The following EPM2A variants were observed in gnomAD, a reference collection of about 807,000 sequenced individuals.
EPM2A encodes laforin.
Under a neutral mutation model 26.5 loss-of-function variants are expected in EPM2A, and 21 were observed. The ratio of observed to expected loss-of-function variants is 0.79; its 90% CI spans 0.56 to 1.14. EPM2A has a LOEUF of 1.14. EPM2A is among the 50% of genes most tolerant of loss of function. The pLI, the probability that EPM2A is intolerant of heterozygous loss-of-function variation, is 0.00. For missense variants in EPM2A, 458 were observed against 440.8 expected (o/e 1.04, Z -0.35); for synonymous variants, 217 against 177.6 (o/e 1.22, Z -1.76).
intron 4 of EPM2A, among the ~76,000 whole-genome samples, chr6:145,384,281 G>A (rs1297237544): frequency 6.6e-6 from 1 of 152,148 alleles, no homozygotes; most frequent in South Asian, 2.1e-4. Flanking sequence ...AACAACAAGG[G>A]ACTATTAACA....
intron 2 of EPM2A, among the ~76,000 whole-genome samples, chr6:145,599,505 A>G (rs1337180907): frequency 6.6e-6 from 1 of 151,928 alleles, no homozygotes; most frequent in Non-Finnish European, 1.5e-5. Context: ...TCATATCTTT[A>G]AAAGATCATT....
At chr6:145,601,827 A>C (rs555643664) in intron 2 of EPM2A, among the ~76,000 whole-genome samples, 7 of 152,316 alleles carry the variant, frequency 4.6e-5, no homozygotes, top group African/African-American at 1.7e-4. Context: ...TGAGGGATGA[A>C]TCCAGGTATT....
chr6:145,647,501 C>T (rs2128574677), intron 2 of EPM2A, among the ~76,000 whole-genome samples: 1 of 152,336 alleles, frequency 6.6e-6, no homozygotes, highest in South Asian at 2.1e-4. Context: ...AACAATAACA[C>T]ATCTTTATTT....
intron 4 of EPM2A, among the ~76,000 whole-genome samples, chr6:145,389,636 C>G (rs1030360398): frequency 6.6e-6 from 1 of 152,208 alleles, no homozygotes; most frequent in African/African-American, 2.4e-5. Context: ...ATGCCTAGCA[C>G]ATAATTGGTG....
intron 2 of EPM2A, among the ~76,000 whole-genome samples, chr6:145,683,390 T>C (rs979265801): frequency 2.0e-5 from 3 of 149,474 alleles, no homozygotes; most frequent in African/African-American, 7.3e-5. Flanking sequence ...TAAAGTATTA[T>C]ATAGTATACA....
At chr6:145,517,475 C>A (rs1266633371) in intron 2 of EPM2A, among the ~76,000 whole-genome samples, 2 of 152,138 alleles carry the variant, frequency 1.3e-5, no homozygotes, top group African/African-American at 4.8e-5. Context: ...AAGAGCATCA[C>A]ACGTTATTAT....
At chr6:145,666,089 C>T (rs12524785) in intron 2 of EPM2A, among the ~76,000 whole-genome samples, 1 of 140,606 alleles carries the variant, frequency 7.1e-6, no homozygotes, top group African/African-American at 2.7e-5. Context: ...GAAGCATTCC[C>T]TTTGAAAACT....
At chr6:145,633,729 T>C (rs528786453) in intron 3 of EPM2A, 1 of 152,330 alleles carries the variant, frequency 6.6e-6, no homozygotes, top group African/African-American at 2.4e-5. Flanking sequence ...CCCTTGCAAT[T>C]TGTAGGCTCT....
At chr6:145,487,529 G>A (rs1779694652) in intron 4 of EPM2A, among the ~76,000 whole-genome samples, 1 of 152,010 alleles carries the variant, frequency 6.6e-6, no homozygotes, top group Non-Finnish European at 1.5e-5. Context: ...TTTAATAATT[G>A]TCATTCTGAC....
chr6:145,707,676 T>C (rs113260890), intron 1 of EPM2A, among the ~76,000 whole-genome samples: 1 of 152,200 alleles, frequency 6.6e-6, no homozygotes, highest in Non-Finnish European at 1.5e-5. Flanking sequence ...CCGCCATGAT[T>C]GTGAGGCGTC....
At chr6:145,679,977 G>A (rs1476010854) in intron 2 of EPM2A, 1 of 152,128 alleles carries the variant, frequency 6.6e-6, no homozygotes, top group Non-Finnish European at 1.5e-5. Flanking sequence ...GGGAGAAGGA[G>A]AAGAAAAGAG....
intron 2 of EPM2A, among the ~76,000 whole-genome samples, chr6:145,683,017 G>T (rs1226403039): frequency 6.6e-6 from 1 of 152,082 alleles, no homozygotes; most frequent in Non-Finnish European, 1.5e-5. Flanking sequence ...ATAGCAAACA[G>T]ATAGAATTCG....
At chr6:145,658,244 G>A (rs183560709) in intron 2 of EPM2A, among the ~76,000 whole-genome samples, 2 of 152,120 alleles carry the variant, frequency 1.3e-5, no homozygotes, top group African/African-American at 4.8e-5. Context: ...TATTTATTTT[G>A]CATTGTATTT....
intron 4 of EPM2A, among the ~76,000 whole-genome samples, chr6:145,416,630 G>C (rs1328937105): frequency 6.6e-6 from 1 of 152,166 alleles, no homozygotes; most frequent in African/African-American, 2.4e-5. Flanking sequence ...GGAACAGTTT[G>C]CACATGGCAG....
intron 1 of EPM2A, among the ~76,000 whole-genome samples, chr6:145,730,640 C>T (rs769910638): frequency 3.3e-5 from 5 of 152,174 alleles, no homozygotes; most frequent in Non-Finnish European, 5.9e-5. Context: ...GTACTCCATG[C>T]TTCTTTCAGT....
At chr6:145,516,005 G>T (rs936258852) in intron 2 of EPM2A, among the ~76,000 whole-genome samples, 2 of 152,188 alleles carry the variant, frequency 1.3e-5, no homozygotes, top group African/African-American at 2.4e-5. Context: ...AGACATCAAA[G>T]GATCTAATGC....
At chr6:145,730,665 T>C (rs543092217) in intron 1 of EPM2A, among the ~76,000 whole-genome samples, 1 of 152,210 alleles carries the variant, frequency 6.6e-6, no homozygotes, top group African/African-American at 2.4e-5. Flanking sequence ...TTACATGAAT[T>C]GATTTTTTTA....
At chr6:145,573,166 G>A (rs1487855588) in intron 2 of EPM2A, among the ~76,000 whole-genome samples, 4 of 152,202 alleles carry the variant, frequency 2.6e-5, no homozygotes, top group Non-Finnish European at 2.9e-5. Flanking sequence ...TGTCATCAAT[G>A]TTATGGACCA....
Position 145,626,113 on chromosome 6 carries a change from GCTCTC to G in EPM2A, c.*1298_*1302del. The G allele has an allele frequency of 9.7e-7, 1 of 1,031,524 alleles. No individual in the cohort carries two copies. Among genetic ancestry groups the G allele is most frequent in the Middle Eastern group, 4.6e-4 (1 of 2,160 alleles). 63.9% of individuals were successfully genotyped at this position (1,031,524 alleles called of 1,614,324 possible). On this transcript the variant is annotated 3_prime_UTR_variant, in exon 4 of 4. Coordinates refer to ENST00000367519, the MANE Select transcript of EPM2A (RefSeq NM_005670.4). Reference sequence around the variant, plus strand: ...ATTATATATCACCTTGCACATAGAGGCTCTCAATTAAAAAAACACTTCTCTTTCTT... The same window carrying G: ...ATTATATATCACCTTGCACATAGAGGAATTAAAAAAACACTTCTCTTTCTT...
Sources: allele counts gnomAD v4.1 joint callset (sites outside exome capture counted in the v4.1 genomes callset), GRCh38; gene constraint gnomAD v4.1.1; transcripts MANE v1.5; gene names NCBI Gene and HGNC (gene_info 2026-07-23, HGNC 2026-07-21).